PDCD11: variants seen among roughly 807,000 people sequenced by gnomAD.
PDCD11 encodes programmed cell death 11, also known as protein RRP5 homolog.
Under a neutral mutation model 198.9 loss-of-function variants are expected in PDCD11, and 97 were observed. The ratio of observed to expected loss-of-function variants is 0.49; its 90% CI spans 0.41 to 0.58. The LOEUF is 0.58. Ranked by LOEUF, PDCD11 falls within the 20% of genes least tolerant of loss-of-function variation. The pLI, the probability that PDCD11 is intolerant of heterozygous loss-of-function variation, is 0.00. For missense variants in PDCD11, 2,102 were observed against 2,312.7 expected (o/e 0.91, Z 1.87); for synonymous variants, 893 against 918.0 (o/e 0.97, Z 0.49).
At chr10:103,411,358 A>G (rs893230447) in intron 8 of PDCD11, among the ~76,000 whole-genome samples, 2 of 152,086 alleles carry the variant, frequency 1.3e-5, no homozygotes, top group African/African-American at 4.8e-5. Flanking sequence ...TGTGCTATAG[A>G]TAATTTATTT....
intron 16 of PDCD11, among the ~76,000 whole-genome samples, chr10:103,420,639 GTCTCCCTGGTGTTTTGCC>G (rs2031369117): frequency 6.6e-6 from 1 of 152,062 alleles, no homozygotes; most frequent in Non-Finnish European, 1.5e-5. Context: ...CTGTAGGCCT[GTCTCCCTGGTGTTTTGCC>G]TGGGAAAATC....
chr10:103,405,427 G>A (rs45437896), intron 5 of PDCD11: 55,540 of 317,798 alleles, frequency 0.17, 6,233 homozygotes, highest in Non-Finnish European at 0.23. Flanking sequence ...TTTTTGAGTC[G>A]GAGTTTCGCT....
chr10:103,434,988 TTCTTCC>T lies in PDCD11; in HGVS notation c.3845+18_3845+23del. On this transcript the variant is annotated intron_variant, in intron 25 of 35. Transcript: ENST00000369797. The stretch of plus-strand genomic sequence containing the variant: ...AGAAGGTTGTCAGGTAAGCGAAGTG[TTCTTCC>T]TCTTTTCACCTGTCTGTGGAATTGG... 6.7e-7 allele frequency: 1 copy of T among 1,490,774 alleles called. No individual in the cohort carries two copies. 92.3% of individuals were successfully genotyped at this position (1,490,774 alleles called of 1,614,324 possible). A position where few individuals can be genotyped will look rare whatever the true frequency, so the allele number is the denominator to read the frequency against.
intron 16 of PDCD11, among the ~76,000 whole-genome samples, chr10:103,420,571 G>A (rs942304283): frequency 2.0e-5 from 3 of 152,286 alleles, no homozygotes; most frequent in Middle Eastern, 3.4e-3. Flanking sequence ...GGAAGACAGC[G>A]AGCAAATGGC....
chr10:103,418,605 C>G lies in PDCD11; in HGVS notation c.2077C>G (p.Leu693Val). 1 of 1,614,184 alleles carries G rather than the reference C, an allele frequency of 6.2e-7. No individual in the cohort carries two copies. The highest frequency in any genetic ancestry group is 8.5e-7 in the Non-Finnish European group (1 of 1,180,014). Residue 693 changes from leucine (L) to valine (V), a missense_variant, in exon 15 of 36, where the codon CTG becomes GTG. Coordinates refer to ENST00000369797, the MANE Select transcript of PDCD11 (RefSeq NM_014976.2). The stretch of plus-strand genomic sequence containing the variant: ...GGCAGGTGACATCCTTCACCGAGTC[C>G]TGTGTCTGAGCCAGAGCGAGGGGCG... ...LQAGDILHRV[L>V]CLSQSEGRVL...
chr10:103,445,261 G>A (rs1049796420), intron 35 of PDCD11, 117 bp from the exon 36 acceptor site: 6 of 843,148 alleles, frequency 7.1e-6, no homozygotes, highest in African/African-American at 5.0e-5. Flanking sequence ...GTAGAAGTGG[G>A]AGTCCTGGAT....
At chr10:103,428,357 A>T (rs1214652193) in intron 21 of PDCD11, among the ~76,000 whole-genome samples, 1 of 151,968 alleles carries the variant, frequency 6.6e-6, no homozygotes, top group East Asian at 1.9e-4. Flanking sequence ...TGAGTTTCAG[A>T]TGCTAATAAC....
intron 22 of PDCD11, 128 bp from the exon 23 acceptor site, chr10:103,433,820 A>T: frequency 1.4e-6 from 1 of 696,446 alleles, no homozygotes; most frequent in Non-Finnish European, 2.6e-6. Context: ...AGTGGGATGG[A>T]AGGGTGGATT....
chr10:103,405,647 C>T (rs1418358906), intron 5 of PDCD11, among the ~76,000 whole-genome samples: 4 of 152,194 alleles, frequency 2.6e-5, no homozygotes, highest in Non-Finnish European at 5.9e-5. Flanking sequence ...CTGCCTGCCT[C>T]AGCCTTCCAA....
In PDCD11 at chr10:103,438,819, G is replaced by T; in HGVS notation, c.4025+11G>T. ...CGGTGTGTTCTTTCGGTGAGTGAGG[G>T]GGGCTCTGCACCCGGACCCAAGTGC... On this transcript the variant is annotated intron_variant, in intron 27 of 35. Transcript: ENST00000369797. 6.2e-7 allele frequency: 1 copy of T among 1,613,474 alleles called. No homozygotes were observed. The highest frequency in any genetic ancestry group is 1.8e-4 in the Middle Eastern group (1 of 5,628).
intron 21 of PDCD11, among the ~76,000 whole-genome samples, chr10:103,430,074 T>C (rs2031865280): frequency 6.6e-6 from 1 of 152,204 alleles, no homozygotes. Context: ...GACTACAGCC[T>C]TGACGTTCTG....
At position 103,398,295 on chromosome 10, in the gene PDCD11, T is replaced by A. The variant is rs1592106974; in HGVS notation, c.-11-121T>A. On this transcript the variant is annotated intron_variant, in intron 1 of 35. Transcript: ENST00000369797. ...GGCCTGACATCTAAACCATCTATGT[T>A]GTAGTCCTGAATGTTGTCTAGCATA... The A allele has an allele frequency of 1.2e-5, 8 of 661,638 alleles. 1 individual carries two copies. The highest frequency in any genetic ancestry group is 1.1e-4 in the African/African-American group (6 of 55,676). The allele number at this position is 661,638 out of a possible 1,614,324, so 41.0% of individuals were successfully genotyped here. A position where few individuals can be genotyped will look rare whatever the true frequency, so the allele number is the denominator to read the frequency against.
At chr10:103,434,083 G>C (rs1053763529) in intron 23 of PDCD11, 46 bp downstream of exon 23, 19 of 1,474,272 alleles carry the variant, frequency 1.3e-5, no homozygotes, top group Non-Finnish European at 1.8e-5. Context: ...AGTTCCCTAA[G>C]CTTGGCCCAG....
At chr10:103,434,085 T>C in intron 23 of PDCD11, 48 bp downstream of exon 23, 1 of 1,455,902 alleles carries the variant, frequency 6.9e-7, no homozygotes, top group Non-Finnish European at 9.7e-7. Context: ...TTCCCTAAGC[T>C]TGGCCCAGTG....
chr10:103,430,225 T>C (rs912687711), intron 21 of PDCD11, among the ~76,000 whole-genome samples: 2 of 152,194 alleles, frequency 1.3e-5, no homozygotes, highest in African/African-American at 2.4e-5. Context: ...ACTTCTGAGC[T>C]CAGGCAATCT....
chr10:103,423,515 A>C, intron 18 of PDCD11, 28 bp from the exon 19 acceptor site: 1 of 1,499,100 alleles, frequency 6.7e-7, no homozygotes, highest in Non-Finnish European at 9.3e-7. Context: ...TTCCAGAAGG[A>C]TAATCACACT....
intron 25 of PDCD11, 83 bp from the exon 26 acceptor site, chr10:103,437,932 G>T (rs938809181): frequency 1.8e-6 from 2 of 1,100,948 alleles, no homozygotes; most frequent in Middle Eastern, 2.0e-4. Context: ...CTATTCGTCA[G>T]CCTGGAGGAG....
Position 103,438,063 on chromosome 10 carries a change from A to G in PDCD11, c.3894A>G (p.Arg1298=), listed in dbSNP as rs112018284. The change falls in exon 26 of 36, where the codon CGA becomes CGG. Residue 1298 remains arginine, a synonymous_variant. Coordinates refer to ENST00000369797, the MANE Select transcript of PDCD11 (RefSeq NM_014976.2). The stretch of plus-strand genomic sequence containing the variant: ...ACAACGTATTGACTTTGTCGCTGCG[A>G]TCATCCAGGTGGGTTTCTGTGTTGT... ...TADNVLTLSL[R]SSRTNPETKS... 8.1e-6 allele frequency: 13 copies of G among 1,613,534 alleles called. No homozygotes were observed. Among genetic ancestry groups the G allele is most frequent in the African/African-American group, 2.7e-5 (2 of 75,052 alleles).
chr10:103,423,992 C>T (rs138915048), intron 19 of PDCD11, among the ~76,000 whole-genome samples: 3 of 152,312 alleles, frequency 2.0e-5, no homozygotes, highest in African/African-American at 7.2e-5. Context: ...GGGGCTGAGA[C>T]TGTTCAGTCC....
Sources: allele counts gnomAD v4.1 joint callset (sites outside exome capture counted in the v4.1 genomes callset), GRCh38; gene constraint gnomAD v4.1.1; transcripts MANE v1.5; gene names NCBI Gene and HGNC (gene_info 2026-07-23, HGNC 2026-07-21).